Variants in DEFB131A observed in about 807,000 individuals in gnomAD.
The protein encoded by DEFB131A is beta-defensin 131A.
In DEFB131A, 5 loss-of-function variants were observed where a neutral mutation model predicts 2.4. The ratio of observed to expected loss-of-function variants is 2.12; its 90% CI spans 1.11 to 4.47. DEFB131A has a LOEUF of 4.47. Ranked by LOEUF, DEFB131A falls within the 30% of genes most tolerant of loss-of-function variation. DEFB131A has a pLI of 0.00. For synonymous variants in DEFB131A, 34 were observed against 25.7 expected (o/e 1.32, Z -0.97); for missense variants, 120 against 79.9 (o/e 1.50, Z -1.91).
At chr4:9,444,645 T>C in intron 1 of DEFB131A, 54 bp downstream of exon 1, 2 of 1,566,750 alleles carry the variant, frequency 1.3e-6, no homozygotes, top group Non-Finnish European at 1.7e-6. Flanking sequence ...TAAAAGAAAA[T>C]GCAAGGTCTT....
intron 1 of DEFB131A, among the ~76,000 whole-genome samples, chr4:9,445,564 C>G (rs1218746694): frequency 6.6e-6 from 1 of 151,130 alleles, no homozygotes; most frequent in Non-Finnish European, 1.5e-5. Context: ...TTCTGAAGCA[C>G]ATTTTAATAC....
chr4:9,446,471 G>T (rs189328379), intron 1 of DEFB131A, among the ~76,000 whole-genome samples: 1 of 151,824 alleles, frequency 6.6e-6, no homozygotes, highest in African/African-American at 2.4e-5. Flanking sequence ...TATTTATTTG[G>T]CATTCTCTCT....
At chr4:9,448,520 C>T (rs528474227) in intron 1 of DEFB131A, among the ~76,000 whole-genome samples, 9 of 152,136 alleles carry the variant, frequency 5.9e-5, no homozygotes, top group East Asian at 5.8e-4. Flanking sequence ...GACTGGATTC[C>T]GCTAGGTTAG....
At chr4:9,444,918 A>AAC (rs1233037058) in intron 1 of DEFB131A, among the ~76,000 whole-genome samples, 2 of 144,722 alleles carry the variant, frequency 1.4e-5, no homozygotes, top group Non-Finnish European at 3.0e-5. Flanking sequence ...CAAAAAAAAA[A>AAC]AAAAAATACA....
At chr4:9,448,003 GA>G (rs1218216572) in intron 1 of DEFB131A, among the ~76,000 whole-genome samples, 1 of 152,020 alleles carries the variant, frequency 6.6e-6, no homozygotes, top group East Asian at 1.9e-4. Flanking sequence ...AGGAGGAGGG[GA>G]AAGAAAGGAA....
intron 1 of DEFB131A, among the ~76,000 whole-genome samples, chr4:9,447,588 C>A (rs1424197832): frequency 1.3e-5 from 2 of 152,018 alleles, no homozygotes; most frequent in Non-Finnish European, 2.9e-5. Context: ...TGCCTTCTTG[C>A]CATGTCCTCT....
chr4:9,450,048 T>C (rs188627698), intron 1 of DEFB131A, among the ~76,000 whole-genome samples: 436 of 152,294 alleles, frequency 2.9e-3, no homozygotes, highest in African/African-American at 9.9e-3. Context: ...TTAAACATTA[T>C]TTCCTGCATT....
intron 1 of DEFB131A, among the ~76,000 whole-genome samples, chr4:9,448,306 TA>T (rs1397198021): frequency 5.3e-5 from 8 of 151,098 alleles, no homozygotes; most frequent in African/African-American, 2.0e-4. Flanking sequence ...TAAAATGTTA[TA>T]AAAGAAAAAA....
chr4:9,450,452 G>T lies in DEFB131A; in HGVS notation c.151G>T (p.Ala51Ser). ...TGATGAACATGCAATTAGATACTGT[G>T]CTGACTTCAGCATCTGCTGCAAACT... ...NADEHAIRYC[A>S]DFSICCKLKI... Residue 51 changes from alanine (A) to serine (S), a missense_variant, in exon 2 of 2, where the codon GCT becomes TCT. Transcript: ENST00000334879. 2 of 1,611,100 alleles carry T rather than the reference G, an allele frequency of 1.2e-6. No homozygotes were observed. The highest frequency in any genetic ancestry group is 1.7e-6 in the Non-Finnish European group (2 of 1,179,346).
chr4:9,445,636 A>G (rs899126422), intron 1 of DEFB131A, among the ~76,000 whole-genome samples: 2 of 151,968 alleles, frequency 1.3e-5, no homozygotes, highest in African/African-American at 4.8e-5. Context: ...CCTTATTTAT[A>G]TAATTATAAA....
chr4:9,446,016 G>A (rs959770001), intron 1 of DEFB131A, among the ~76,000 whole-genome samples: 5 of 151,926 alleles, frequency 3.3e-5, no homozygotes, highest in Non-Finnish European at 7.4e-5. Context: ...TTCATTCAGT[G>A]GTCATCAGTA....
chr4:9,449,668 G>A (rs1246382027), intron 1 of DEFB131A, among the ~76,000 whole-genome samples: 1 of 151,942 alleles, frequency 6.6e-6, no homozygotes, highest in Non-Finnish European at 1.5e-5. Flanking sequence ...TGTAACAAAA[G>A]GATTTGGGAA....
At chr4:9,448,923 T>G (rs1031258348) in intron 1 of DEFB131A, among the ~76,000 whole-genome samples, 2 of 152,248 alleles carry the variant, frequency 1.3e-5, no homozygotes, top group South Asian at 4.1e-4. Flanking sequence ...CCAAATGACA[T>G]AATTTTTTTG....
rs746901547 is a variant in DEFB131A at position 9,444,546 on chromosome 4, T to A, written c.13T>A (p.Phe5Ile). MRVL[F>I]FVFGVLSLMF... ...TACCTATTCAACCATGAGGGTCTTG[T>A]TTTTTGTCTTTGGAGTCCTTTCCTT... The change falls in exon 1 of 2, where the codon TTT becomes ATT. Residue 5 changes from phenylalanine (F) to isoleucine (I), a missense_variant. By Grantham distance (21) the Phe-to-Ile change is conservative. Coordinates refer to ENST00000334879, the MANE Select transcript of DEFB131A (RefSeq NM_001040448.3). The A allele has an allele frequency of 6.2e-7, 1 of 1,611,672 alleles. No individual in the cohort carries two copies. Among genetic ancestry groups the A allele is most frequent in the Non-Finnish European group, 8.5e-7 (1 of 1,179,670 alleles).
At chr4:9,449,969 C>G (rs1201501454) in intron 1 of DEFB131A, among the ~76,000 whole-genome samples, 2 of 152,140 alleles carry the variant, frequency 1.3e-5, no homozygotes, top group Non-Finnish European at 2.9e-5. Context: ...CTCTCTGATT[C>G]AAGGCCAACC....
Position 9,445,208 on chromosome 4 carries a change from G to T in DEFB131A, c.58+617G>T, listed in dbSNP as rs182024137. On this transcript the variant is annotated intron_variant, in intron 1 of 1. Coordinates refer to ENST00000334879, the MANE Select transcript of DEFB131A (RefSeq NM_001040448.3). ...AAGGAAAAGTGAATGATGACTAGAAGAAGGGCTAGAGGTGAAGAGGTGGAT... is the reference window on the plus strand; with the variant it reads ...AAGGAAAAGTGAATGATGACTAGAATAAGGGCTAGAGGTGAAGAGGTGGAT... Among the ~76,000 whole-genome samples the T allele has an allele frequency of 1.3e-3, 192 of 152,236 alleles. 3 individuals are homozygous for T. In the East Asian group the frequency reaches 0.013, roughly 10 times the overall value.
intron 1 of DEFB131A, among the ~76,000 whole-genome samples, chr4:9,445,839 G>A (rs1228629566): frequency 1.3e-5 from 2 of 152,044 alleles, no homozygotes; most frequent in Non-Finnish European, 2.9e-5. Context: ...CCTCCTCCCA[G>A]TCCCTAGCAA....
chr4:9,445,047 A>G (rs1279598100), intron 1 of DEFB131A, among the ~76,000 whole-genome samples: 2 of 152,080 alleles, frequency 1.3e-5, no homozygotes, highest in Non-Finnish European at 2.9e-5. Context: ...GCCACTGCAC[A>G]CCAGCCTGGG....
chr4:9,449,560 A>T (rs192458745), intron 1 of DEFB131A, among the ~76,000 whole-genome samples: 1 of 151,794 alleles, frequency 6.6e-6, no homozygotes, highest in Non-Finnish European at 1.5e-5. Flanking sequence ...TGAACTACAC[A>T]TTTAAACATA....
Sources: allele counts gnomAD v4.1 joint callset (sites outside exome capture counted in the v4.1 genomes callset), GRCh38; gene constraint gnomAD v4.1.1; transcripts MANE v1.5; gene names NCBI Gene and HGNC (gene_info 2026-07-23, HGNC 2026-07-21).